The following CC2D2A variants were observed in gnomAD, a reference collection of about 807,000 sequenced individuals.
CC2D2A encodes the protein coiled-coil and C2 domain-containing protein 2A.
In CC2D2A, 155 loss-of-function variants were observed where a neutral mutation model predicts 212.9. That is an observed-to-expected ratio of 0.73 (90% confidence interval 0.64 to 0.83). The LOEUF (loss-of-function observed/expected upper bound fraction) is 0.83. Ranked by LOEUF, CC2D2A falls within the 40% of genes least tolerant of loss-of-function variation. The probability of loss-of-function intolerance (pLI) is 0.00; values close to 1 mark genes in which losing one functional copy is unlikely to be tolerated. For synonymous variants in CC2D2A, 667 were observed against 686.5 expected (o/e 0.97, Z 0.44); for missense variants, 1,856 against 1,956.2 (o/e 0.95, Z 0.97).
At chr4:15,567,037 CTT>C (rs1393869630) in intron 24 of CC2D2A, among the ~76,000 whole-genome samples, 1 of 152,090 alleles carries the variant, frequency 6.6e-6, no homozygotes, top group African/African-American at 2.4e-5. Context: ...GATTCCAGCA[CTT>C]TGGGAGGCCA....
At chr4:15,549,747 G>T (rs1249754856) in intron 17 of CC2D2A, among the ~76,000 whole-genome samples, 1 of 152,126 alleles carries the variant, frequency 6.6e-6, no homozygotes, top group Non-Finnish European at 1.5e-5. Context: ...AGGTTGCAGT[G>T]AGCCAAGATC....
intron 17 of CC2D2A, 180 bp from the exon 18 acceptor site, chr4:15,550,644 C>G (rs1718948066): frequency 2.4e-6 from 1 of 409,268 alleles, no homozygotes. Flanking sequence ...TGACCACAAA[C>G]AGTTGTAAGC....
At chr4:15,473,494 C>T (rs1271727319) in intron 1 of CC2D2A, among the ~76,000 whole-genome samples, 1 of 152,156 alleles carries the variant, frequency 6.6e-6, no homozygotes, top group Non-Finnish European at 1.5e-5. Context: ...CCTGAGGCAA[C>T]AGGATTCAAG....
rs768283778 is a variant in CC2D2A at position 15,528,715 on chromosome 4, A to G, written c.1455A>G (p.Lys485=). 2 of 1,603,874 alleles carry G rather than the reference A, an allele frequency of 1.2e-6. No homozygotes were observed. Among genetic ancestry groups the G allele is most frequent in the South Asian group, 2.2e-5 (2 of 89,716 alleles). ...TCCAAAAAACCATCAATGAGTATAA[A>G]TCTGAAATTCGGTGAGTAAAGTTTG... ...DTIQKTINEY[K]SEIRQTRKFR... Residue 485 remains lysine (K), a synonymous_variant, in exon 13 of 37, where the codon AAA becomes AAG. Transcript: ENST00000424120.
At chr4:15,601,176 A>G in intron 36 of CC2D2A, 61 bp from the exon 37 acceptor site, 1 of 1,334,812 alleles carries the variant, frequency 7.5e-7, no homozygotes, top group Non-Finnish European at 1.1e-6. Flanking sequence ...ACATTTACGT[A>G]GGAAAAAATG....
chr4:15,562,923 T>G (rs1244883595), intron 23 of CC2D2A, among the ~76,000 whole-genome samples: 1 of 151,874 alleles, frequency 6.6e-6, no homozygotes, highest in Admixed American at 6.6e-5. Context: ...CCAGCTGGAG[T>G]AGCTGAGTCT....
chr4:15,492,135 C>T (rs1325968641), intron 4 of CC2D2A, among the ~76,000 whole-genome samples: 1 of 152,186 alleles, frequency 6.6e-6, no homozygotes, highest in East Asian at 1.9e-4. Flanking sequence ...TCATCCCCAC[C>T]CCATTAAATG....
Position 15,529,940 on chromosome 4 carries a change from C to T in CC2D2A, c.1466+1214C>T, listed in dbSNP as rs554203104. 2.4e-4 allele frequency among the ~76,000 whole-genome samples: 36 copies of T among 150,126 alleles called. No individual in the cohort carries two copies. In the South Asian group the frequency reaches 7.3e-3, roughly 31 times the overall value. On this transcript the variant is annotated intron_variant, in intron 13 of 36. Transcript: ENST00000424120. Reference sequence around the variant, plus strand: ...TAAGTTTTAGGGTACATGTGCACAACGTGCAGGTTTGTTACATACGCATTT... The same window carrying T: ...TAAGTTTTAGGGTACATGTGCACAATGTGCAGGTTTGTTACATACGCATTT...
At chr4:15,576,002 G>T (rs1252836368) in intron 29 of CC2D2A, among the ~76,000 whole-genome samples, 1 of 152,196 alleles carries the variant, frequency 6.6e-6, no homozygotes, top group African/African-American at 2.4e-5. Context: ...CTTACTGCAG[G>T]ACTTTAAAGA....
chr4:15,575,207 G>A (rs1720350411), intron 29 of CC2D2A, among the ~76,000 whole-genome samples: 1 of 152,196 alleles, frequency 6.6e-6, no homozygotes, highest in Admixed American at 6.5e-5. Flanking sequence ...TCTGTCCTTA[G>A]CACTATGTCA....
At chr4:15,554,296 A>G (rs1411546714) in intron 19 of CC2D2A, among the ~76,000 whole-genome samples, 1 of 152,226 alleles carries the variant, frequency 6.6e-6, no homozygotes, top group Admixed American at 6.5e-5. Context: ...ACTATTAATA[A>G]AGCCCCAGCT....
chr4:15,572,656 G>T (rs1720222460), intron 28 of CC2D2A, among the ~76,000 whole-genome samples: 1 of 151,624 alleles, frequency 6.6e-6, no homozygotes, highest in African/African-American at 2.4e-5. Flanking sequence ...GCCTGTATTA[G>T]GGTTCTCTAA....
At chr4:15,598,840 A>G (rs1197618218) in intron 35 of CC2D2A, among the ~76,000 whole-genome samples, 1 of 152,204 alleles carries the variant, frequency 6.6e-6, no homozygotes, top group Non-Finnish European at 1.5e-5. Flanking sequence ...ATATACTACC[A>G]ATGAGTATAG....
chr4:15,549,636 C>T (rs1418268363), intron 17 of CC2D2A, among the ~76,000 whole-genome samples: 1 of 152,158 alleles, frequency 6.6e-6, no homozygotes, highest in Non-Finnish European at 1.5e-5. Context: ...AACGCTGTCT[C>T]TACTAAAAAT....
chr4:15,510,363 A>G, intron 7 of CC2D2A, 123 bp downstream of exon 7: 2 of 753,012 alleles, frequency 2.7e-6, no homozygotes, highest in Non-Finnish European at 4.5e-6. Flanking sequence ...TGGGAGGCCA[A>G]GACAGGCAGA....
chr4:15,581,036 A>G lies in CC2D2A; in HGVS notation c.3975+865A>G, dbSNP rs535967775. 9.8e-5 allele frequency among the ~76,000 whole-genome samples: 15 copies of G among 152,362 alleles called. No homozygotes were observed. In the South Asian group the frequency reaches 1.7e-3, roughly 17 times the overall value. Reference sequence around the variant, plus strand: ...CACAAACTTGTGTGAATCAGAAGGCATATGTTAACCAGGCTAATTTTATGT... The same window carrying G: ...CACAAACTTGTGTGAATCAGAAGGCGTATGTTAACCAGGCTAATTTTATGT... On this transcript the variant is annotated intron_variant, in intron 30 of 36. Transcript: ENST00000424120.
chr4:15,589,041 A>G (rs1321462479), intron 32 of CC2D2A, among the ~76,000 whole-genome samples: 2 of 151,782 alleles, frequency 1.3e-5, no homozygotes, highest in South Asian at 2.1e-4. Flanking sequence ...CCAACCCCCA[A>G]TTCCACTCCC....
intron 16 of CC2D2A, among the ~76,000 whole-genome samples, chr4:15,538,707 G>A (rs1007762144): frequency 2.0e-5 from 3 of 152,110 alleles, no homozygotes; most frequent in Admixed American, 6.5e-5. Flanking sequence ...ATGCCTAAGA[G>A]AAACATCATT....
intron 11 of CC2D2A, among the ~76,000 whole-genome samples, chr4:15,526,481 C>A (rs891385914): frequency 6.6e-6 from 1 of 152,092 alleles, no homozygotes; most frequent in African/African-American, 2.4e-5. Flanking sequence ...GAACATGTTA[C>A]CCATAATTTA....
Sources: allele counts gnomAD v4.1 joint callset (sites outside exome capture counted in the v4.1 genomes callset), GRCh38; gene constraint gnomAD v4.1.1; transcripts MANE v1.5; gene names NCBI Gene and HGNC (gene_info 2026-07-23, HGNC 2026-07-21).